The following LARGE1 variants were observed in gnomAD, a reference collection of about 807,000 sequenced individuals.
The protein encoded by LARGE1 is xylosyl- and glucuronyltransferase LARGE1.
Under a neutral mutation model 87.6 loss-of-function variants are expected in LARGE1, and 43 were observed. The ratio of observed to expected loss-of-function variants is 0.49; its 90% confidence interval spans 0.38 to 0.63. The LOEUF (loss-of-function observed/expected upper bound fraction) is 0.63. Ranked by LOEUF, LARGE1 falls within the 30% of genes least tolerant of loss-of-function variation. The pLI, the probability that LARGE1 is intolerant of heterozygous loss-of-function variation, is 0.00. For missense variants in LARGE1, 802 were observed against 1,000.2 expected (o/e 0.80, Z 2.67); for synonymous variants, 434 against 394.6 (o/e 1.10, Z -1.18).
intron 6 of LARGE1, among the ~76,000 whole-genome samples, chr22:33,545,745 C>T (rs2077344965): frequency 6.6e-6 from 1 of 152,126 alleles, no homozygotes; most frequent in Non-Finnish European, 1.5e-5. Context: ...AGCCAACACC[C>T]AGCTAATTTT....
Position 33,695,020 on chromosome 22 carries a change from G to C in LARGE1, c.107-44352C>G, listed in dbSNP as rs1294368956. Among the ~76,000 whole-genome samples, 5 of 151,846 alleles carry C rather than the reference G, an allele frequency of 3.3e-5. No individual in the cohort carries two copies. The South Asian group carries it at 1.0e-3, about 32-fold the overall frequency. ...TTCAGTCTCCTAAAATTTTAATTTT[G>C]TATACTCTCTATTCAATTCAGCAAA... On this transcript the variant is annotated intron_variant, in intron 2 of 14. Coordinates refer to ENST00000397394, the MANE Select transcript of LARGE1 (RefSeq NM_133642.5).
At chr22:33,815,462 T>C (rs2086622052) in intron 1 of LARGE1, among the ~76,000 whole-genome samples, 1 of 152,202 alleles carries the variant, frequency 6.6e-6, no homozygotes, top group Non-Finnish European at 1.5e-5. Context: ...CCTTTCCTCA[T>C]GCGGGGAGAA....
intron 1 of LARGE1, among the ~76,000 whole-genome samples, chr22:33,795,706 G>A (rs554203359): frequency 6.6e-6 from 1 of 152,208 alleles, no homozygotes; most frequent in South Asian, 2.1e-4. Flanking sequence ...TCAGGGACGT[G>A]GATGAAGCTA....
At chr22:33,397,791 C>G (rs2065800764) in intron 7 of LARGE1, among the ~76,000 whole-genome samples, 1 of 152,204 alleles carries the variant, frequency 6.6e-6, no homozygotes, top group African/African-American at 2.4e-5. Flanking sequence ...CGCAGTCCCA[C>G]TAAAAACTGG....
intron 1 of LARGE1, among the ~76,000 whole-genome samples, chr22:33,779,227 A>G (rs2085342170): frequency 6.6e-6 from 1 of 152,138 alleles, no homozygotes; most frequent in Non-Finnish European, 1.5e-5. Flanking sequence ...AGAACCACAC[A>G]AGGAACGGTG....
intron 8 of LARGE1, among the ~76,000 whole-genome samples, chr22:33,383,196 A>G (rs16992225): frequency 0.1 from 15,718 of 152,222 alleles, 1,427 homozygotes; most frequent in African/African-American, 0.25. Flanking sequence ...TGATCCTGGT[A>G]GACTCAAAGT....
chr22:33,428,822 C>G (rs1311774987), intron 7 of LARGE1, among the ~76,000 whole-genome samples: 1 of 143,678 alleles, frequency 7.0e-6, no homozygotes, highest in Non-Finnish European at 1.5e-5. Context: ...CCCAGCTATT[C>G]GGGAGGCTGA....
At chr22:33,749,974 C>G (rs1328968978) in intron 2 of LARGE1, among the ~76,000 whole-genome samples, 2 of 152,108 alleles carry the variant, frequency 1.3e-5, no homozygotes, top group African/African-American at 2.4e-5. Flanking sequence ...GGTACAACGT[C>G]CCTGAGCCTT....
intron 1 of LARGE1, among the ~76,000 whole-genome samples, chr22:33,910,770 G>C (rs752847155): frequency 6.6e-6 from 1 of 152,170 alleles, no homozygotes; most frequent in Admixed American, 6.5e-5. Flanking sequence ...GTTGGATCCA[G>C]CAAAAAAAGC....
intron 11 of LARGE1, among the ~76,000 whole-genome samples, chr22:33,235,140 A>G (rs750664338): frequency 1.2e-4 from 18 of 152,198 alleles, no homozygotes; most frequent in Non-Finnish European, 2.2e-4. Flanking sequence ...AGAATCAACT[A>G]TGTGTTCAAC....
intron 9 of LARGE1, among the ~76,000 whole-genome samples, chr22:33,349,459 A>G (rs1940147852): frequency 6.6e-6 from 1 of 152,132 alleles, no homozygotes; most frequent in African/African-American, 2.4e-5. Flanking sequence ...TCTCTGAGGG[A>G]GGCTCAGCAC....
chr22:33,245,943 CA>C (rs1385095691), intron 11 of LARGE1, among the ~76,000 whole-genome samples: 1 of 151,886 alleles, frequency 6.6e-6, no homozygotes, highest in Non-Finnish European at 1.5e-5. Flanking sequence ...AGAATTCATC[CA>C]AAAAAATGAG....
intron 6 of LARGE1, among the ~76,000 whole-genome samples, chr22:33,524,465 C>T (rs1195687623): frequency 6.6e-6 from 1 of 151,998 alleles, no homozygotes; most frequent in East Asian, 1.9e-4. Context: ...GGATCAGATG[C>T]ATAATTTGTT....
chr22:33,228,341 C>T (rs1262667874), intron 11 of LARGE1, among the ~76,000 whole-genome samples: 2 of 152,268 alleles, frequency 1.3e-5, no homozygotes, highest in African/African-American at 4.8e-5. Flanking sequence ...TGCATCCTTA[C>T]ACTGACTGCT....
intron 3 of LARGE1, among the ~76,000 whole-genome samples, chr22:33,642,352 A>C (rs967066461): frequency 4.6e-5 from 7 of 152,190 alleles, no homozygotes; most frequent in African/African-American, 1.7e-4. Flanking sequence ...TTTTGTCACC[A>C]CTAGGCCTGC....
chr22:33,148,677 G>C, the LARGE1 span, among the ~76,000 whole-genome samples: 4 of 152,038 alleles, frequency 2.6e-5, no homozygotes, highest in East Asian at 7.7e-4. Context: ...AAAATTGGCT[G>C]TATTATTTTA....
chr22:33,297,763 T>C (rs925667791), intron 12 of LARGE1, among the ~76,000 whole-genome samples: 1 of 151,860 alleles, frequency 6.6e-6, no homozygotes, highest in Non-Finnish European at 1.5e-5. Context: ...GCGGATCACC[T>C]GAGGTCAGGA....
At chr22:33,649,638 C>A (rs1407187027) in intron 3 of LARGE1, among the ~76,000 whole-genome samples, 1 of 152,164 alleles carries the variant, frequency 6.6e-6, no homozygotes, top group Admixed American at 6.5e-5. Context: ...ATCACTAAAG[C>A]TGGGATATGA....
intron 11 of LARGE1, among the ~76,000 whole-genome samples, chr22:33,241,135 C>T (rs1235532160): frequency 6.6e-6 from 1 of 152,198 alleles, no homozygotes; most frequent in Non-Finnish European, 1.5e-5. Context: ...CTTCATATCT[C>T]TTGCCTCATC....
Sources: allele counts gnomAD v4.1 joint callset (sites outside exome capture counted in the v4.1 genomes callset), GRCh38; gene constraint gnomAD v4.1.1; transcripts MANE v1.5; gene names NCBI Gene and HGNC (gene_info 2026-07-23, HGNC 2026-07-21).